PCDH9: variants seen among roughly 807,000 people sequenced by gnomAD.
The protein encoded by PCDH9 is protocadherin 9.
In PCDH9, 24 loss-of-function variants were observed where a neutral mutation model predicts 70.6. The observed-to-expected ratio is 0.34, with a 90% CI of 0.25 to 0.48. The LOEUF is 0.48. Among genes scored for constraint, PCDH9 ranks in the 20% least tolerant of loss-of-function variants. PCDH9 has a pLI of 0.99. For synonymous variants in PCDH9, 562 were observed against 558.5 expected (o/e 1.01, Z -0.09); for missense variants, 1,281 against 1,503.6 (o/e 0.85, Z 2.45).
chr13:66,801,164 A>T (rs1397211283), intron 3 of PCDH9, among the ~76,000 whole-genome samples: 1 of 152,060 alleles, frequency 6.6e-6, no homozygotes, highest in Non-Finnish European at 1.5e-5. Flanking sequence ...ATGCTAGTCA[A>T]CTAAATTAAT....
At chr13:66,944,423 T>C (rs925406275) in intron 2 of PCDH9, among the ~76,000 whole-genome samples, 3 of 152,182 alleles carry the variant, frequency 2.0e-5, no homozygotes, top group Non-Finnish European at 4.4e-5. Context: ...GTGGTTTGTA[T>C]TGAATTATTA....
rs61961059 is a variant in PCDH9, at chr13:66,768,732, C to G, written c.3138+134772G>C. On this transcript the variant is annotated intron_variant, in intron 3 of 4. Coordinates refer to ENST00000377865, the MANE Select transcript of PCDH9 (RefSeq NM_203487.3). Reference sequence around the variant, plus strand: ...AAGAAACCCCATGCTGACAAAGCAACCTTTTATCCTTGGTATTTTATCTAT... The same window carrying G: ...AAGAAACCCCATGCTGACAAAGCAAGCTTTTATCCTTGGTATTTTATCTAT... Among the ~76,000 whole-genome samples, 4 of 152,096 alleles carry G rather than the reference C, an allele frequency of 2.6e-5. No individual in the cohort carries two copies. In the South Asian group the frequency reaches 8.3e-4, roughly 32 times the overall value.
chr13:66,607,135 C>T (rs2077231357), intron 4 of PCDH9, among the ~76,000 whole-genome samples: 1 of 152,004 alleles, frequency 6.6e-6, no homozygotes, highest in Non-Finnish European at 1.5e-5. Flanking sequence ...AAAACATTAG[C>T]TAAGGCAGTG....
At position 66,829,008 on chromosome 13, in the gene PCDH9, CTTTTTTTG is replaced by C. The variant is rs1555273332; in HGVS notation, c.3138+74488_3138+74495del. Among the ~76,000 whole-genome samples, 98 of 151,774 alleles carry C rather than the reference CTTTTTTTG, an allele frequency of 6.5e-4. 1 individual carries two copies. Among genetic ancestry groups the C allele is most frequent in the African/African-American group, 1.4e-3 (60 of 41,388 alleles). The stretch of plus-strand genomic sequence containing the variant: ...ATTGAAAAAGAAAGATTCTGTGGGT[CTTTTTTTG>C]TTTTTTTGTTTTTTTGTTTTTGAGA... On this transcript the variant is annotated intron_variant, in intron 3 of 4. Coordinates refer to ENST00000377865, the MANE Select transcript of PCDH9 (RefSeq NM_203487.3).
chr13:67,119,016 C>T (rs1052820068), intron 2 of PCDH9, among the ~76,000 whole-genome samples: 6 of 152,002 alleles, frequency 3.9e-5, no homozygotes, highest in South Asian at 2.1e-4. Context: ...TGGTTTATAA[C>T]GGTGAATTAA....
At chr13:66,989,656 C>T (rs1004157841) in intron 2 of PCDH9, among the ~76,000 whole-genome samples, 22 of 151,716 alleles carry the variant, frequency 1.5e-4, no homozygotes, top group African/African-American at 5.1e-4. Context: ...AATGAACTAA[C>T]GATCCTGTGT....
At chr13:66,588,921 GA>G (rs1390356093) in intron 4 of PCDH9, among the ~76,000 whole-genome samples, 1 of 151,398 alleles carries the variant, frequency 6.6e-6, no homozygotes, top group Non-Finnish European at 1.5e-5. Context: ...TACAAAAAAA[GA>G]ACAGAAAAAA....
At chr13:66,847,012 C>T (rs1423441123) in intron 3 of PCDH9, among the ~76,000 whole-genome samples, 3 of 151,962 alleles carry the variant, frequency 2.0e-5, no homozygotes, top group Non-Finnish European at 4.4e-5. Flanking sequence ...CCCCATTTTT[C>T]TGATCAGGTA....
Position 66,916,691 on chromosome 13 carries a change from G to A in PCDH9, c.3037-13086C>T, listed in dbSNP as rs115865413. ...GGCTGATTGCGATCAAGATTTGACCGAACTTTACCAACCTGTACTTTGTGT... is the reference window on the plus strand; with the variant it reads ...GGCTGATTGCGATCAAGATTTGACCAAACTTTACCAACCTGTACTTTGTGT... On this transcript the variant is annotated intron_variant, in intron 2 of 4. Transcript: ENST00000377865. Among the ~76,000 whole-genome samples, 1,177 of 151,578 alleles carry A rather than the reference G, an allele frequency of 7.8e-3. 15 individuals carry two copies. The highest frequency in any genetic ancestry group is 0.026 in the African/African-American group (1,083 of 41,450).
At chr13:66,764,521 T>C (rs2079679898) in intron 3 of PCDH9, among the ~76,000 whole-genome samples, 1 of 152,072 alleles carries the variant, frequency 6.6e-6, no homozygotes, top group Admixed American at 6.6e-5. Flanking sequence ...AAAGGTTAAA[T>C]AGTTTGAGGA....
intron 4 of PCDH9, among the ~76,000 whole-genome samples, chr13:66,340,603 T>C (rs1439918854): frequency 6.6e-6 from 1 of 152,218 alleles, no homozygotes; most frequent in Non-Finnish European, 1.5e-5. Flanking sequence ...ACACTTCACA[T>C]GCTGACTTGC....
intron 2 of PCDH9, among the ~76,000 whole-genome samples, chr13:66,930,980 A>G (rs1056687817): frequency 6.6e-6 from 1 of 152,200 alleles, no homozygotes; most frequent in Non-Finnish European, 1.5e-5. Flanking sequence ...TGTGCAGGAA[A>G]TACTTGAACA....
intron 2 of PCDH9, among the ~76,000 whole-genome samples, chr13:67,087,561 A>G (rs992408733): frequency 1.3e-5 from 2 of 152,162 alleles, no homozygotes; most frequent in African/African-American, 4.8e-5. Flanking sequence ...CTTAGCCTCC[A>G]TGAACGGCAG....
At chr13:66,623,693 C>A (rs188636850) in intron 4 of PCDH9, among the ~76,000 whole-genome samples, 2 of 152,320 alleles carry the variant, frequency 1.3e-5, no homozygotes, top group Non-Finnish European at 2.9e-5. Context: ...CCTGCCTCAG[C>A]CTCCCAAATC....
At chr13:66,534,581 C>T (rs1204499958) in intron 4 of PCDH9, among the ~76,000 whole-genome samples, 2 of 152,082 alleles carry the variant, frequency 1.3e-5, no homozygotes, top group African/African-American at 4.8e-5. Context: ...ACACTGGGGG[C>T]TAGAGTTTCA....
At chr13:66,897,816 A>G (rs1221152962) in intron 3 of PCDH9, among the ~76,000 whole-genome samples, 1 of 152,150 alleles carries the variant, frequency 6.6e-6, no homozygotes. Context: ...CACATTTCAC[A>G]TAACAGATCT....
chr13:66,351,632 T>A (rs1956292658), intron 4 of PCDH9, among the ~76,000 whole-genome samples: 1 of 152,152 alleles, frequency 6.6e-6, no homozygotes, highest in African/African-American at 2.4e-5. Flanking sequence ...TTCAAAATAA[T>A]CACTTAGGGT....
At chr13:66,563,473 C>G (rs556179848) in intron 4 of PCDH9, among the ~76,000 whole-genome samples, 3 of 152,150 alleles carry the variant, frequency 2.0e-5, no homozygotes, top group Admixed American at 2.0e-4. Context: ...ATTACAATTA[C>G]AAATGAGAGC....
At chr13:67,018,727 T>C (rs1026473400) in intron 2 of PCDH9, among the ~76,000 whole-genome samples, 1 of 151,978 alleles carries the variant, frequency 6.6e-6, no homozygotes, top group African/African-American at 2.4e-5. Context: ...CAAAAAACTA[T>C]GGGTCATCTC....
Sources: gnomAD v4.1 joint callset for allele counts (sites outside exome capture counted in the v4.1 genomes callset) on GRCh38, gnomAD v4.1.1 for gene constraint, MANE v1.5 for transcripts, NCBI Gene and HGNC (gene_info 2026-07-23, HGNC 2026-07-21) for gene names.